The following ADCY8 variants were observed in gnomAD, a reference collection of about 807,000 sequenced individuals.
The protein encoded by ADCY8 is adenylate cyclase type 8.
In ADCY8, 51 loss-of-function variants were observed where a neutral mutation model predicts 119.7. The observed-to-expected ratio is 0.43, with a 90% CI of 0.34 to 0.54. The LOEUF (loss-of-function observed/expected upper bound fraction) is 0.54. Among genes scored for constraint, ADCY8 ranks in the 20% least tolerant of loss-of-function variants. The pLI, the probability that ADCY8 is intolerant of heterozygous loss-of-function variation, is 0.03. For missense variants in ADCY8, 1,383 were observed against 1,598.8 expected, an observed-to-expected ratio of 0.87 and a Z score of 2.30; for synonymous variants, 665 against 651.0, an observed-to-expected ratio of 1.02 and a Z score of -0.33.
chr8:130,989,433 C>T (rs1020577597), intron 2 of ADCY8, among the ~76,000 whole-genome samples: 3 of 151,824 alleles, frequency 2.0e-5, no homozygotes, highest in Admixed American at 6.6e-5. Flanking sequence ...ATGATTTTTG[C>T]AAACTATTAT....
intron 1 of ADCY8, among the ~76,000 whole-genome samples, chr8:131,012,598 C>T (rs1823344855): frequency 6.6e-6 from 1 of 152,104 alleles, no homozygotes; most frequent in Non-Finnish European, 1.5e-5. Flanking sequence ...GACTTGTCCT[C>T]CTAGGATTGC....
At chr8:130,958,911 GC>G (rs1258481229) in intron 2 of ADCY8, among the ~76,000 whole-genome samples, 2 of 151,686 alleles carry the variant, frequency 1.3e-5, no homozygotes, top group African/African-American at 4.8e-5. Context: ...TTAAATATAA[GC>G]TTTATGATGA....
intron 1 of ADCY8, among the ~76,000 whole-genome samples, chr8:131,017,072 AT>A (rs111610879): frequency 6.1e-3 from 864 of 141,400 alleles, no homozygotes; most frequent in Non-Finnish European, 7.1e-3. Flanking sequence ...AATGTACATG[AT>A]TTTTTTTTTT....
chr8:130,882,543 A>G (rs1401019009), intron 8 of ADCY8, among the ~76,000 whole-genome samples: 1 of 152,140 alleles, frequency 6.6e-6, no homozygotes, highest in Non-Finnish European at 1.5e-5. Context: ...TGGCAGAGGC[A>G]GCATAGTCAA....
intron 1 of ADCY8, among the ~76,000 whole-genome samples, chr8:131,003,039 A>G (rs1314019139): frequency 2.6e-5 from 4 of 151,994 alleles, no homozygotes; most frequent in African/African-American, 9.6e-5. Flanking sequence ...CATCTCTACT[A>G]AAAATAAAAA....
At chr8:130,793,999 A>G (rs1171203732) in intron 15 of ADCY8, among the ~76,000 whole-genome samples, 4 of 152,206 alleles carry the variant, frequency 2.6e-5, no homozygotes, top group African/African-American at 9.7e-5. Flanking sequence ...CCTTAAATCC[A>G]TTATGGCTGG....
chr8:130,927,338 T>C (rs1820502171), intron 5 of ADCY8, among the ~76,000 whole-genome samples: 1 of 152,194 alleles, frequency 6.6e-6, no homozygotes, highest in Non-Finnish European at 1.5e-5. Context: ...ATTTCCCTGA[T>C]GATTAGTGAT....
At chr8:130,890,985 T>C (rs1819165735) in intron 7 of ADCY8, among the ~76,000 whole-genome samples, 1 of 152,162 alleles carries the variant, frequency 6.6e-6, no homozygotes, top group Admixed American at 6.5e-5. Context: ...CTCAGCAATC[T>C]CAAGGCACAG....
At chr8:131,007,162 A>T (rs578037936) in intron 1 of ADCY8, among the ~76,000 whole-genome samples, 4 of 152,332 alleles carry the variant, frequency 2.6e-5, no homozygotes, top group South Asian at 4.1e-4. Context: ...TAAAAAAAGC[A>T]CATAGTACTG....
At chr8:130,867,073 A>G (rs1017411051) in intron 9 of ADCY8, among the ~76,000 whole-genome samples, 1 of 152,194 alleles carries the variant, frequency 6.6e-6, no homozygotes. Context: ...GAAAACTCAT[A>G]GTAAGTATAG....
chr8:130,829,305 TG>T (rs1816758511), intron 12 of ADCY8, among the ~76,000 whole-genome samples: 1 of 152,192 alleles, frequency 6.6e-6, no homozygotes, highest in South Asian at 2.1e-4. Flanking sequence ...TCCTAAGCCA[TG>T]GTTTCTAATC....
chr8:130,988,177 C>T (rs1326119054), intron 2 of ADCY8, among the ~76,000 whole-genome samples: 1 of 152,196 alleles, frequency 6.6e-6, no homozygotes, highest in Admixed American at 6.5e-5. Context: ...TGCCAGACTA[C>T]ACTGTCCGTC....
At chr8:130,913,848 T>G (rs1820051203) in intron 5 of ADCY8, among the ~76,000 whole-genome samples, 1 of 152,190 alleles carries the variant, frequency 6.6e-6, no homozygotes, top group African/African-American at 2.4e-5. Flanking sequence ...ATCACAGACT[T>G]TAGTGCTAGA....
At chr8:130,820,763 T>G (rs746474503) in intron 13 of ADCY8, among the ~76,000 whole-genome samples, 89 of 152,304 alleles carry the variant, frequency 5.8e-4, no homozygotes, top group Non-Finnish European at 1.1e-3. Context: ...ATGGCAGGCA[T>G]TTTATCTAAT....
intron 2 of ADCY8, among the ~76,000 whole-genome samples, chr8:130,959,608 T>C (rs1361486568): frequency 2.0e-5 from 3 of 152,200 alleles, no homozygotes. Context: ...CTGTAACAAG[T>C]TATGTGAAAG....
At chr8:131,037,199 A>C (rs1031947596) in intron 1 of ADCY8, among the ~76,000 whole-genome samples, 9 of 152,190 alleles carry the variant, frequency 5.9e-5, no homozygotes, top group Admixed American at 3.3e-4. Context: ...ATGAAATCGT[A>C]GTTTATCTGT....
rs775436891 is a variant in ADCY8 at position 131,040,262 on chromosome 8, G to A, written c.72C>T (p.Ala24=). 1.3e-6 allele frequency: 2 copies of A among 1,557,384 alleles called. No homozygotes were observed. Among genetic ancestry groups the A allele is most frequent in the African/African-American group, 2.7e-5 (2 of 73,738 alleles). The part of the protein sequence containing the change: ...ELYTIHPTPP[A]GDGRSASRPQ... ...GCCGGGAGGCGCTCCTGCCGTCGCC[G>A]GCCGGGGGCGTCGGGTGGATGGTGT... The change falls in exon 1 of 18, where the codon GCC becomes GCT. Residue 24 remains alanine (A), a synonymous_variant. Coordinates refer to ENST00000286355, the MANE Select transcript of ADCY8 (RefSeq NM_001115.3).
chr8:130,924,901 A>G (rs183473264), intron 5 of ADCY8, among the ~76,000 whole-genome samples: 286 of 152,224 alleles, frequency 1.9e-3, no homozygotes, highest in Middle Eastern at 0.01. Flanking sequence ...TATCTGGGAT[A>G]TAGTTAGTGT....
intron 9 of ADCY8, 80 bp from the exon 10 acceptor site, chr8:130,849,883 C>T: frequency 7.5e-7 from 1 of 1,327,540 alleles, no homozygotes; most frequent in South Asian, 1.3e-5. Context: ...GTCTTCCTTT[C>T]CCATCCCTTG....
Sources: gnomAD v4.1 joint callset for allele counts (sites outside exome capture counted in the v4.1 genomes callset) on GRCh38, gnomAD v4.1.1 for gene constraint, MANE v1.5 for transcripts, NCBI Gene and HGNC (gene_info 2026-07-23, HGNC 2026-07-21) for gene names.